NAV3: variants seen among roughly 807,000 people sequenced by gnomAD.
NAV3 encodes pore membrane and/or filament interacting like protein 1.
In NAV3, 87 loss-of-function variants were observed where a neutral mutation model predicts 244.7. The ratio of observed to expected loss-of-function variants is 0.36; its 90% confidence interval spans 0.30 to 0.42. The LOEUF (loss-of-function observed/expected upper bound fraction) is 0.42. Ranked by LOEUF, NAV3 falls within the 20% of genes least tolerant of loss-of-function variation. The probability of loss-of-function intolerance (pLI) is 1.00; values close to 1 mark genes in which losing one functional copy is unlikely to be tolerated. For synonymous variants in NAV3, 1,126 were observed against 1,042.2 expected, an observed-to-expected ratio of 1.08 and a Z score of -1.55; for missense variants, 2,663 against 2,893.3, an observed-to-expected ratio of 0.92 and a Z score of 1.83.
chr12:77,959,693 C>T (rs76982406), intron 3 of NAV3, among the ~76,000 whole-genome samples: 1 of 151,574 alleles, frequency 6.6e-6, no homozygotes, highest in Non-Finnish European at 1.5e-5. Flanking sequence ...TCATTTATTT[C>T]TATTAATCCC....
At chr12:78,116,941 C>A (rs2138523681) in intron 13 of NAV3, 37 bp downstream of exon 13, 2 of 1,603,800 alleles carry the variant, frequency 1.2e-6, no homozygotes, top group Non-Finnish European at 1.7e-6. Flanking sequence ...AGTGTTTCTG[C>A]CAGCTTTTTC....
intron 2 of NAV3, among the ~76,000 whole-genome samples, chr12:77,706,307 A>G (rs1875795730): frequency 6.6e-6 from 1 of 151,416 alleles, no homozygotes; most frequent in Non-Finnish European, 1.5e-5. Flanking sequence ...AGTAAATTAA[A>G]CTTCTAGGAG....
chr12:78,081,660 C>T (rs1170189964), intron 12 of NAV3, among the ~76,000 whole-genome samples: 1 of 152,140 alleles, frequency 6.6e-6, no homozygotes, highest in Non-Finnish European at 1.5e-5. Flanking sequence ...AGAGGCTCAT[C>T]TGAGGTGTTA....
At chr12:77,622,221 G>A (rs191460803) in intron 2 of NAV3, among the ~76,000 whole-genome samples, 6 of 152,004 alleles carry the variant, frequency 3.9e-5, no homozygotes, top group East Asian at 1.9e-4. Context: ...GTGCAGTGGC[G>A]CAATCTCGGC....
intron 2 of NAV3, among the ~76,000 whole-genome samples, chr12:77,680,310 C>T (rs74104980): frequency 0.016 from 2,506 of 152,130 alleles, 23 homozygotes; most frequent in Middle Eastern, 0.037. Context: ...TTTTTTTCCT[C>T]CCTTGAAGAA....
chr12:77,872,714 A>G (rs921284835), intron 1 of NAV3, among the ~76,000 whole-genome samples: 1 of 152,218 alleles, frequency 6.6e-6, no homozygotes, highest in Admixed American at 6.5e-5. Context: ...AGATTTTAAT[A>G]TCCCTCCTTT....
intron 34 of NAV3, 88 bp from the exon 35 acceptor site, chr12:78,197,159 G>A: frequency 2.0e-6 from 2 of 985,004 alleles, no homozygotes; most frequent in Non-Finnish European, 1.4e-6. Flanking sequence ...CGGAATAGAG[G>A]ACAAAGAGTG....
intron 2 of NAV3, among the ~76,000 whole-genome samples, chr12:77,670,072 A>G (rs1873898352): frequency 6.6e-6 from 1 of 152,126 alleles, no homozygotes; most frequent in South Asian, 2.1e-4. Context: ...ACAGGAAGAG[A>G]GAATATCCAA....
chr12:77,578,980 G>A (rs891518574), intron 2 of NAV3, among the ~76,000 whole-genome samples: 3 of 151,978 alleles, frequency 2.0e-5, no homozygotes, highest in Non-Finnish European at 4.4e-5. Flanking sequence ...GGGTTTTCAG[G>A]CAAAATTTTT....
intron 39 of NAV3, among the ~76,000 whole-genome samples, chr12:78,208,354 C>T (rs1206268868): frequency 6.6e-6 from 1 of 152,150 alleles, no homozygotes; most frequent in East Asian, 1.9e-4. Context: ...CACTACGACT[C>T]ACATCCCAAC....
At chr12:77,929,508 C>T (rs1298535613) in intron 1 of NAV3, among the ~76,000 whole-genome samples, 1 of 152,166 alleles carries the variant, frequency 6.6e-6, no homozygotes, top group Non-Finnish European at 1.5e-5. Flanking sequence ...ATCTGTTTCA[C>T]TTTCAAGTCT....
chr12:77,851,946 G>T lies in NAV3; in HGVS notation c.243+20242G>T, dbSNP rs191620618. Among the ~76,000 whole-genome samples, 305 of 152,210 alleles carry T rather than the reference G, an allele frequency of 2.0e-3. 1 individual carries two copies. The highest frequency in any genetic ancestry group is 4.9e-3 in the Admixed American group (75 of 15,274). On this transcript the variant is annotated intron_variant, in intron 1 of 39. Transcript: ENST00000397909. ...GTACTACCGTTATCTTCACTTTTTA[G>T]ATAAGGAGACTAAAGTATAACTAGA... is the stretch of plus-strand genomic sequence containing the variant.
intron 2 of NAV3, among the ~76,000 whole-genome samples, chr12:77,756,608 A>G (rs1383302484): frequency 6.6e-6 from 1 of 152,200 alleles, no homozygotes; most frequent in East Asian, 1.9e-4. Flanking sequence ...TTTTATGGCT[A>G]AAGGTTATAG....
chr12:77,636,893 G>A (rs138761584), intron 2 of NAV3, among the ~76,000 whole-genome samples: 2,628 of 152,066 alleles, frequency 0.017, 89 homozygotes, highest in African/African-American at 0.06. Context: ...CACAAGAACA[G>A]AAAACCAAAC....
intron 3 of NAV3, among the ~76,000 whole-genome samples, chr12:77,954,270 G>A (rs956777323): frequency 6.6e-6 from 1 of 152,016 alleles, no homozygotes; most frequent in Admixed American, 6.6e-5. Context: ...TATATTTATT[G>A]AGCCCCTACT....
intron 11 of NAV3, among the ~76,000 whole-genome samples, chr12:78,054,030 C>T (rs549252718): frequency 4.6e-5 from 7 of 152,126 alleles, no homozygotes; most frequent in African/African-American, 1.7e-4. Flanking sequence ...ATCTACAGTG[C>T]AATATGTTGG....
chr12:78,070,783 A>G (rs1196374515), intron 12 of NAV3, among the ~76,000 whole-genome samples: 1 of 145,886 alleles, frequency 6.9e-6, no homozygotes, highest in African/African-American at 2.5e-5. Context: ...ATTCCCACCT[A>G]TGAGTGAGAA....
Position 77,823,322 on chromosome 12 carries a change from CA to C in NAV3, c.73-116994del, listed in dbSNP as rs544296999. Among the ~76,000 whole-genome samples, 485 of 152,100 alleles carry C rather than the reference CA, an allele frequency of 3.2e-3. 3 individuals carry two copies. Among genetic ancestry groups the C allele is most frequent in the Non-Finnish European group, 5.3e-3 (358 of 67,972 alleles). On this transcript the variant is annotated intron_variant, in intron 2 of 8. Coordinates refer to the NAV3 transcript ENST00000550042. ...AGACAGAGAGACACAGAGAGAGATA[CA>C]AAGAGATAGGAGAGAATGAGGATGA...
At chr12:77,615,460 G>A (rs962409867) in intron 2 of NAV3, among the ~76,000 whole-genome samples, 3 of 152,010 alleles carry the variant, frequency 2.0e-5, no homozygotes, top group Non-Finnish European at 4.4e-5. Context: ...ACAAGTGTAG[G>A]CATGCAGCAT....
Sources: allele counts gnomAD v4.1 joint callset (sites outside exome capture counted in the v4.1 genomes callset), GRCh38; gene constraint gnomAD v4.1.1; transcripts MANE v1.5; gene names NCBI Gene and HGNC (gene_info 2026-07-23, HGNC 2026-07-21).